The following COL26A1 variants were observed in gnomAD, a reference collection of about 807,000 sequenced individuals.
COL26A1 encodes collagen type XXVI alpha 1 chain.
COL26A1 carries 41 observed loss-of-function variants against 59.3 expected under a neutral mutation model. The observed-to-expected ratio is 0.69, with a 90% CI of 0.54 to 0.90. The LOEUF (loss-of-function observed/expected upper bound fraction) is 0.90, where lower values mean the gene tolerates loss of function less well. Among genes scored for constraint, COL26A1 ranks in the 40% least tolerant of loss-of-function variants. COL26A1 has a pLI of 0.00. For missense variants in COL26A1, 612 were observed against 602.3 expected, an observed-to-expected ratio of 1.02 and a Z score of -0.17; for synonymous variants, 266 against 256.0, an observed-to-expected ratio of 1.04 and a Z score of -0.37.
At chr7:101,501,626 T>C (rs1007525837) in intron 3 of COL26A1, among the ~76,000 whole-genome samples, 1 of 152,196 alleles carries the variant, frequency 6.6e-6, no homozygotes, top group African/African-American at 2.4e-5. Context: ...GCCCCAGGCC[T>C]GTATCCTTTG....
chr7:101,454,304 G>C (rs1222051018), intron 3 of COL26A1, among the ~76,000 whole-genome samples: 1 of 132,354 alleles, frequency 7.6e-6, no homozygotes, highest in African/African-American at 2.9e-5. Flanking sequence ...TCGCTCTACT[G>C]CTCAGACTGG....
intron 3 of COL26A1, among the ~76,000 whole-genome samples, chr7:101,470,514 G>C (rs965187885): frequency 6.6e-6 from 1 of 151,834 alleles, no homozygotes; most frequent in Non-Finnish European, 1.5e-5. Context: ...GAAATGATTT[G>C]GGGGCTGCTT....
At chr7:101,468,617 C>T (rs1793822340) in intron 3 of COL26A1, among the ~76,000 whole-genome samples, 1 of 152,164 alleles carries the variant, frequency 6.6e-6, no homozygotes, top group Non-Finnish European at 1.5e-5. Flanking sequence ...TCCCATGATG[C>T]CATGTCTAGA....
intron 1 of COL26A1, among the ~76,000 whole-genome samples, chr7:101,378,359 A>G (rs528539570): frequency 9.9e-5 from 15 of 152,098 alleles, no homozygotes; most frequent in Admixed American, 9.2e-4. Flanking sequence ...TTATTGAATA[A>G]CCCATTCTTC....
At chr7:101,380,074 C>G (rs991078860) in intron 1 of COL26A1, among the ~76,000 whole-genome samples, 1 of 152,046 alleles carries the variant, frequency 6.6e-6, no homozygotes, top group African/African-American at 2.4e-5. Context: ...TCACTGCAAC[C>G]TCTGCCTCCC....
At chr7:101,434,494 G>A (rs571187823) in intron 2 of COL26A1, among the ~76,000 whole-genome samples, 1 of 151,582 alleles carries the variant, frequency 6.6e-6, no homozygotes, top group Admixed American at 6.6e-5. Flanking sequence ...ACTCCTGAAC[G>A]CAAGTGATCC....
chr7:101,539,497 CTTTAT>C (rs1289511970), intron 4 of COL26A1, among the ~76,000 whole-genome samples: 8 of 151,946 alleles, frequency 5.3e-5, no homozygotes, highest in African/African-American at 1.9e-4. Flanking sequence ...GGCTAATTTT[CTTTAT>C]TTTTTGTAGA....
rs1396174756 is a variant in COL26A1 at position 101,551,149 on chromosome 7, T to C, written c.1029+6T>C. On this transcript the variant is annotated splice_donor_region_variant and intron_variant, in intron 10 of 12. Transcript: ENST00000313669. ...GAGGCACAGTGGGGCCGTCCGTAAG[T>C]GTGGGCTGTGCAGATGGGCCTGGGC... The C allele has an allele frequency of 6.8e-7, 1 of 1,461,378 alleles. No homozygotes were observed. The highest frequency in any genetic ancestry group is 2.1e-5 in the Admixed American group (1 of 47,078). The allele number at this position is 1,461,378 out of a possible 1,614,324, so 90.5% of individuals were successfully genotyped here. A position where few individuals can be genotyped will look rare whatever the true frequency, so the allele number is the denominator to read the frequency against.
At chr7:101,466,837 T>TGTGTGTGA (rs764059657) in intron 3 of COL26A1, among the ~76,000 whole-genome samples, 1,304 of 122,602 alleles carry the variant, frequency 0.011, 12 homozygotes, top group African/African-American at 0.022. Context: ...TGTGTGTGTG[T>TGTGTGTGA]GAGAGAGAGA....
intron 1 of COL26A1, among the ~76,000 whole-genome samples, chr7:101,388,683 C>T (rs983937413): frequency 6.6e-6 from 1 of 151,862 alleles, no homozygotes; most frequent in Non-Finnish European, 1.5e-5. Context: ...CCTGCCTCAG[C>T]CCCCCAACTA....
intron 3 of COL26A1, among the ~76,000 whole-genome samples, chr7:101,528,343 C>G (rs1376106713): frequency 6.6e-6 from 1 of 152,188 alleles, no homozygotes; most frequent in African/African-American, 2.4e-5. Flanking sequence ...GCTCAAGGCC[C>G]CTAAAAGCCT....
chr7:101,500,307 G>T (rs947582161), intron 3 of COL26A1, among the ~76,000 whole-genome samples: 7 of 152,190 alleles, frequency 4.6e-5, no homozygotes, highest in Non-Finnish European at 1.0e-4. Context: ...GGGCTACAAG[G>T]CTCATAGCTG....
At chr7:101,387,768 A>ATTTTTTTTTTTTTTTTTTTT (rs1194001209) in intron 1 of COL26A1, among the ~76,000 whole-genome samples, 1 of 36,470 alleles carries the variant, frequency 2.7e-5, no homozygotes, top group Admixed American at 4.8e-4. Context: ...ATATATATAT[A>ATTTTTTTTTTTTTTTTTTTT]TATATATATA....
At chr7:101,553,734 C>T (rs778163242) in intron 11 of COL26A1, among the ~76,000 whole-genome samples, 1 of 152,064 alleles carries the variant, frequency 6.6e-6, no homozygotes, top group Non-Finnish European at 1.5e-5. Context: ...CGGGTTCTCC[C>T]GTGAATGGCG....
rs1049555359 is a variant in COL26A1 at position 101,549,223 on chromosome 7, G to T, written c.993G>T (p.Gln331His). The T allele has an allele frequency of 6.2e-7, 1 of 1,604,606 alleles. No individual in the cohort carries two copies. Among genetic ancestry groups the T allele is most frequent in the African/African-American group, 1.3e-5 (1 of 74,478 alleles). The change falls in exon 9 of 13, where the codon CAG (glutamine) becomes CAT (histidine). Residue 331 changes from glutamine (Q) to histidine (H), a missense_variant and splice_region_variant. By Grantham distance (24) the Gln-to-His change is conservative. Coordinates refer to ENST00000313669, the MANE Select transcript of COL26A1 (RefSeq NM_001278563.3). ...PPGPPGTPGS[Q>H]GLAGERGTVG... ...GACCCCCAGGAACACCTGGATCCCA[G>T]GTAAGGACTTTGCCATTTTAGGTAG... is the stretch of plus-strand genomic sequence containing the variant.
intron 11 of COL26A1, among the ~76,000 whole-genome samples, chr7:101,555,155 C>T (rs1227638767): frequency 1.3e-5 from 2 of 152,114 alleles, no homozygotes; most frequent in Non-Finnish European, 2.9e-5. Flanking sequence ...AAGTCAGCAC[C>T]CTGTCTTGGC....
intron 3 of COL26A1, among the ~76,000 whole-genome samples, chr7:101,503,604 C>T (rs956608675): frequency 2.0e-5 from 3 of 152,204 alleles, no homozygotes; most frequent in Non-Finnish European, 4.4e-5. Flanking sequence ...CTAGTCTTGA[C>T]CTCCCGGCCT....
chr7:101,499,720 TAAA>T (rs1208113447), intron 3 of COL26A1, among the ~76,000 whole-genome samples: 1 of 150,954 alleles, frequency 6.6e-6, no homozygotes, highest in Non-Finnish European at 1.5e-5. Context: ...AAAATAAAAA[TAAA>T]AAAATTAGCC....
chr7:101,473,193 C>T (rs1046510037), intron 3 of COL26A1, among the ~76,000 whole-genome samples: 6 of 152,024 alleles, frequency 3.9e-5, no homozygotes, highest in Non-Finnish European at 8.8e-5. Flanking sequence ...CATTCTTCCG[C>T]CTCAGCCTCC....
Sources: allele counts gnomAD v4.1 joint callset (sites outside exome capture counted in the v4.1 genomes callset), GRCh38; gene constraint gnomAD v4.1.1; transcripts MANE v1.5; gene names NCBI Gene and HGNC (gene_info 2026-07-23, HGNC 2026-07-21).